The following FREM2 variants were observed in gnomAD, a reference collection of about 807,000 sequenced individuals.
FREM2 encodes FRAS1 related extracellular matrix 2, also known as FRAS1-related extracellular matrix protein 2.
In FREM2, 119 loss-of-function variants were observed where a neutral mutation model predicts 219.9. That is an observed-to-expected ratio of 0.54 (90% confidence interval 0.47 to 0.63). FREM2 has a LOEUF of 0.63. Ranked by LOEUF, FREM2 falls within the 30% of genes least tolerant of loss-of-function variation. The pLI is 0.00. For synonymous variants in FREM2, 1,562 were observed against 1,522.8 expected, an observed-to-expected ratio of 1.03 and a Z score of -0.60; for missense variants, 4,030 against 3,993.6, an observed-to-expected ratio of 1.01 and a Z score of -0.25.
In FREM2 at chr13:38,692,229, T is replaced by A; in HGVS notation, c.4885T>A (p.Tyr1629Asn). Residue 1629 changes from tyrosine (Y) to asparagine (N), a missense_variant, in exon 1 of 24, where the codon TAT (tyrosine) becomes AAT (asparagine). Around this residue, in one of 2 missense-constraint regions of FREM2, gnomAD observed 3,102 missense variants for 2,950.7 expected, o/e 1.05. Coordinates refer to ENST00000280481, the MANE Select transcript of FREM2 (RefSeq NM_207361.6). ...GACTGATGGCACCCATACAGACTTC[T>A]ATGTTTTTCCTGATACGGTGTTTGA... ...TVTDGTHTDFYVFPDTVFETR... is the reference protein window; with the variant it reads ...TVTDGTHTDFNVFPDTVFETR... The A allele has an allele frequency of 6.2e-7, 1 of 1,614,216 alleles. No homozygotes were observed. The highest frequency in any genetic ancestry group is 8.5e-7 in the Non-Finnish European group (1 of 1,180,038).
rs192580431 is a variant in FREM2, at chr13:38,812,241, G to A, written c.6019+27433G>A. On this transcript the variant is annotated intron_variant, in intron 6 of 23. Coordinates refer to ENST00000280481, the MANE Select transcript of FREM2 (RefSeq NM_207361.6). ...AGAGATCATCGAGTCTTGTTTTTTC[G>A]TCCATTCAGCCAGTCTATGTCTTTT... 1.4e-3 allele frequency among the ~76,000 whole-genome samples: 214 copies of A among 151,794 alleles called. 2 individuals are homozygous for A. The highest frequency in any genetic ancestry group is 0.011 in the South Asian group (52 of 4,812).
Position 38,688,429 on chromosome 13 carries a change from C to T in FREM2, c.1085C>T (p.Pro362Leu), listed in dbSNP as rs761048192. The change falls in exon 1 of 24, where the codon CCA (proline) becomes CTA (leucine). Residue 362 changes from proline to leucine, a missense_variant. By Grantham distance (98) the Pro-to-Leu change is moderately conservative (BLOSUM62 -3). Coordinates refer to ENST00000280481, the MANE Select transcript of FREM2 (RefSeq NM_207361.6). ...SDLLIFNLTS[P>L]FQPGQGYLVS... Reference sequence around the variant, plus strand: ...CTGTTGATCTTCAACCTTACTTCTCCATTCCAGCCTGGCCAGGGCTACTTG... The same window carrying T: ...CTGTTGATCTTCAACCTTACTTCTCTATTCCAGCCTGGCCAGGGCTACTTG... 5 of 1,613,828 alleles carry T rather than the reference C, an allele frequency of 3.1e-6. No homozygotes were observed. In the East Asian group the frequency reaches 8.9e-5, roughly 29 times the overall value.
chr13:38,794,877 A>G (rs1424538844), intron 6 of FREM2, among the ~76,000 whole-genome samples: 1 of 152,134 alleles, frequency 6.6e-6, no homozygotes, highest in Non-Finnish European at 1.5e-5. Context: ...TTTACTATAT[A>G]CTAAGGACTT....
chr13:38,750,139 A>G (rs1302201666), intron 2 of FREM2, among the ~76,000 whole-genome samples: 1 of 152,138 alleles, frequency 6.6e-6, no homozygotes, highest in Non-Finnish European at 1.5e-5. Context: ...TATTTTTACT[A>G]ATCAAAATGA....
chr13:38,744,167 C>G (rs898175428), intron 2 of FREM2, among the ~76,000 whole-genome samples: 16 of 146,748 alleles, frequency 1.1e-4, no homozygotes, highest in Non-Finnish European at 1.9e-4. Flanking sequence ...ATCTAAAATA[C>G]TCTGTTGTTA....
intron 2 of FREM2, among the ~76,000 whole-genome samples, chr13:38,763,341 GA>G (rs1033746733): frequency 6.7e-6 from 1 of 150,124 alleles, no homozygotes; most frequent in Non-Finnish European, 1.5e-5. Context: ...CCCTTGTGTA[GA>G]TTTTTTTTTT....
At chr13:38,789,750 T>A (rs1399208746) in intron 6 of FREM2, among the ~76,000 whole-genome samples, 3 of 150,922 alleles carry the variant, frequency 2.0e-5, no homozygotes, top group Admixed American at 2.0e-4. Context: ...GGAGTTTTTT[T>A]ATATTTATCT....
chr13:38,744,630 T>C (rs767684386), intron 2 of FREM2, among the ~76,000 whole-genome samples: 4 of 152,164 alleles, frequency 2.6e-5, no homozygotes, highest in Non-Finnish European at 5.9e-5. Flanking sequence ...TAGCTGGGAT[T>C]ACAGGTGCCC....
intron 2 of FREM2, among the ~76,000 whole-genome samples, chr13:38,727,561 A>G (rs1021837926): frequency 1.3e-5 from 2 of 152,246 alleles, no homozygotes; most frequent in African/African-American, 2.4e-5. Context: ...TATTTCATAG[A>G]TAAAACATTA....
At chr13:38,872,671 T>C in intron 16 of FREM2, 71 bp from the exon 17 acceptor site, 1 of 1,281,104 alleles carries the variant, frequency 7.8e-7, no homozygotes, top group East Asian at 2.3e-5. Flanking sequence ...AAAGAGAAAA[T>C]GGCTTGTACA....
chr13:38,737,504 T>C (rs1872047077), intron 2 of FREM2, among the ~76,000 whole-genome samples: 1 of 152,238 alleles, frequency 6.6e-6, no homozygotes, highest in South Asian at 2.1e-4. Flanking sequence ...GTGAGGTACA[T>C]ACCAGTTCTA....
chr13:38,841,168 A>G (rs370979891), intron 6 of FREM2, among the ~76,000 whole-genome samples: 13 of 152,192 alleles, frequency 8.5e-5, no homozygotes, highest in African/African-American at 2.7e-4. Flanking sequence ...GGTTGTGAGG[A>G]TGAAATAAGG....
intron 6 of FREM2, among the ~76,000 whole-genome samples, chr13:38,832,637 A>G (rs1876554755): frequency 6.6e-6 from 1 of 152,208 alleles, no homozygotes; most frequent in Non-Finnish European, 1.5e-5. Flanking sequence ...ATTTCATTGC[A>G]GAAAAACCCA....
Position 38,872,914 on chromosome 13 carries a change from C to T in FREM2, c.8156C>T (p.Pro2719Leu). The T allele has an allele frequency of 1.2e-6, 2 of 1,613,744 alleles. No homozygotes were observed. The highest frequency in any genetic ancestry group is 1.7e-6 in the Non-Finnish European group (2 of 1,179,856). The change falls in exon 17 of 24, where the codon CCC becomes CTC. Residue 2719 changes from proline (P) to leucine (L), a missense_variant. Pro to Leu is a moderately conservative substitution (Grantham distance 98). Transcript: ENST00000280481. ...AILWNDGIGS[P>L]PEAELQGSLY... is the part of the protein sequence containing the mutation. ...TTGTGGAATGATGGAATTGGCAGCC[C>T]CCCAGAGGCTGAACTTCAAGGTGAG...
At chr13:38,866,221 C>A (rs939411137) in intron 16 of FREM2, among the ~76,000 whole-genome samples, 5 of 152,058 alleles carry the variant, frequency 3.3e-5, no homozygotes, top group African/African-American at 1.2e-4. Flanking sequence ...ACGCCAGGAG[C>A]AGTGACTTCA....
intron 13 of FREM2, 140 bp from the exon 14 acceptor site, chr13:38,859,147 G>C (rs960044441): frequency 2.7e-6 from 2 of 750,856 alleles, no homozygotes; most frequent in Non-Finnish European, 4.7e-6. Flanking sequence ...CATGCCTGGG[G>C]ATCAAAATTC....
rs1869813378 is a variant in FREM2 at position 38,690,950 on chromosome 13, A to G, written c.3606A>G (p.Glu1202=). 1 of 1,614,174 alleles carries G rather than the reference A, an allele frequency of 6.2e-7. No individual in the cohort carries two copies. The highest frequency in any genetic ancestry group is 1.7e-5 in the Admixed American group (1 of 60,024). The change falls in exon 1 of 24, where the codon GAA becomes GAG. Residue 1202 remains glutamate, a synonymous_variant. Coordinates refer to ENST00000280481, the MANE Select transcript of FREM2 (RefSeq NM_207361.6). ...EMFMREFMVM[E]GMSLVIDTPI... is the part of the protein sequence containing the mutation. ...TTATGAGAGAATTTATGGTGATGGA[A>G]GGCATGAGTCTGGTAATTGATACAC...
intron 7 of FREM2, 58 bp downstream of exon 7, chr13:38,846,780 A>G: frequency 6.3e-7 from 1 of 1,582,448 alleles, no homozygotes; most frequent in Non-Finnish European, 8.7e-7. Context: ...TGACCATGGC[A>G]CAAATTTATT....
chr13:38,778,334 T>A (rs1049287967), intron 4 of FREM2, among the ~76,000 whole-genome samples: 4 of 152,282 alleles, frequency 2.6e-5, no homozygotes, highest in Middle Eastern at 6.8e-3. Context: ...GTGAGGGGCC[T>A]CTTTCTGGCT....
Sources: gnomAD v4.1 joint callset for allele counts (sites outside exome capture counted in the v4.1 genomes callset) on GRCh38, gnomAD v4.1.1 for gene constraint, gnomAD v4.1.1 regional missense constraint, MANE v1.5 for transcripts, NCBI Gene and HGNC (gene_info 2026-07-23, HGNC 2026-07-21) for gene names.